The following CFAP92 variants were observed in gnomAD, a reference collection of about 807,000 sequenced individuals.
The protein encoded by CFAP92 is uncharacterized protein CFAP92.
CFAP92 carries 86 observed loss-of-function variants against 106.3 expected under a neutral mutation model. That is an observed-to-expected ratio of 0.81 (90% confidence interval 0.68 to 0.97). The LOEUF is 0.97. Among genes scored for constraint, CFAP92 ranks in the 50% least tolerant of loss-of-function variants. CFAP92 has a pLI of 0.00. For synonymous variants in CFAP92, 477 were observed against 506.4 expected, an observed-to-expected ratio of 0.94 and a Z score of 0.78; for missense variants, 1,204 against 1,283.8, an observed-to-expected ratio of 0.94 and a Z score of 0.95.
intron 8 of CFAP92, chr3:128,968,248 G>A (rs749211183): frequency 1.3e-5 from 2 of 152,070 alleles, no homozygotes; most frequent in Non-Finnish European, 2.9e-5. Flanking sequence ...GGGCCCCTCC[G>A]CTATGCAATA....
chr3:128,966,714 G>T (rs1325586467), intron 8 of CFAP92: 3 of 152,112 alleles, frequency 2.0e-5, no homozygotes, highest in African/African-American at 7.2e-5. Context: ...GGGACTACAG[G>T]TGCCCGACAA....
At chr3:129,026,734 T>G in the CFAP92 span, among the ~76,000 whole-genome samples, 2 of 151,938 alleles carry the variant, frequency 1.3e-5, no homozygotes, top group African/African-American at 4.8e-5. Flanking sequence ...GCCTGTGGAG[T>G]AGGGAGATAC....
At chr3:128,962,892 A>G (rs973370145) in intron 9 of CFAP92, among the ~76,000 whole-genome samples, 5 of 152,190 alleles carry the variant, frequency 3.3e-5, no homozygotes, top group Admixed American at 6.5e-5. Context: ...TGCCAAACCC[A>G]TATACTCTCC....
chr3:128,994,110 A>C (rs1021694431), upstream of CFAP92: 7 of 985,562 alleles, frequency 7.1e-6, no homozygotes, highest in Non-Finnish European at 8.4e-6. Context: ...GGAGGGCCGC[A>C]GGCCCAGCCA....
At chr3:128,921,040 C>T (rs978754104) in intron 12 of CFAP92, among the ~76,000 whole-genome samples, 6 of 152,290 alleles carry the variant, frequency 3.9e-5, no homozygotes, top group African/African-American at 9.6e-5. Flanking sequence ...CTTTGATCAC[C>T]AATAAATAGT....
rs764709438 is a variant in CFAP92, at chr3:128,971,435, T to C, written c.1022-2A>G. On this transcript the variant is annotated splice_acceptor_variant, in intron 7 of 15. Coordinates refer to ENST00000645291, the MANE Select transcript of CFAP92 (RefSeq NM_001394090.1). LOFTEE classifies it high-confidence loss of function. Reference sequence around the variant, plus strand: ...TTCCCTCTGAATCTTTCCCTTTAACTGTGAAATCAAACAAAGGAGATGAGC... The same window carrying C: ...TTCCCTCTGAATCTTTCCCTTTAACCGTGAAATCAAACAAAGGAGATGAGC... 1.8e-5 allele frequency: 29 copies of C among 1,597,358 alleles called. 1 individual carries two copies. In the South Asian group the frequency reaches 2.6e-4, roughly 14 times the overall value.
At chr3:128,953,702 C>T (rs1941080393) in intron 9 of CFAP92, among the ~76,000 whole-genome samples, 1 of 132,130 alleles carries the variant, frequency 7.6e-6, no homozygotes, top group Non-Finnish European at 1.5e-5. Context: ...TCTCGGCTCA[C>T]TGCAACCTCC....
At chr3:128,965,111 C>T (rs902051187) in intron 9 of CFAP92, among the ~76,000 whole-genome samples, 2 of 152,160 alleles carry the variant, frequency 1.3e-5, no homozygotes, top group Non-Finnish European at 2.9e-5. Flanking sequence ...CCTGCCCCAC[C>T]CTAACTGATC....
chr3:128,913,146 G>C, intron 15 of CFAP92: 1 of 427,852 alleles, frequency 2.3e-6, no homozygotes, highest in Non-Finnish European at 4.8e-6. Context: ...CTGTTCCTTA[G>C]AACCAGCCTT....
At chr3:128,922,698 A>T (rs1254383643) in intron 12 of CFAP92, among the ~76,000 whole-genome samples, 1 of 152,236 alleles carries the variant, frequency 6.6e-6, no homozygotes, top group African/African-American at 2.4e-5. Flanking sequence ...AGTTTTTCAA[A>T]GTTCCTTGAT....
At position 128,994,041 on chromosome 3, in the gene CFAP92, G is replaced by C; in HGVS notation, c.-94C>G. ...GACCGCGGCGGCAACTCCCGTACCG[G>C]ATCCACAGCCACCTGGGCGAAGAGA... On this transcript the variant is annotated 5_prime_UTR_variant, in exon 1 of 16. In the 5' UTR this introduces an upstream ATG that the reference lacks. Coordinates refer to ENST00000645291, the MANE Select transcript of CFAP92 (RefSeq NM_001394090.1). 1 of 986,686 alleles carries C rather than the reference G, an allele frequency of 1.0e-6. No individual in the cohort carries two copies. Among genetic ancestry groups the C allele is most frequent in the Non-Finnish European group, 1.2e-6 (1 of 830,592 alleles). 61.1% of individuals were successfully genotyped at this position (986,686 alleles called of 1,614,324 possible). A position where few individuals can be genotyped will look rare whatever the true frequency, so the allele number is the denominator to read the frequency against.
At chr3:128,950,665 C>G (rs1940690547) in intron 9 of CFAP92, among the ~76,000 whole-genome samples, 1 of 152,166 alleles carries the variant, frequency 6.6e-6, no homozygotes, top group South Asian at 2.1e-4. Flanking sequence ...TGCTGAAGTC[C>G]TCTCCCAGGG....
intron 1 of CFAP92, 59 bp from the exon 2 acceptor site, chr3:128,993,395 A>G: frequency 1.3e-6 from 2 of 1,495,720 alleles, no homozygotes; most frequent in South Asian, 2.5e-5. Flanking sequence ...TCCAGGAGGT[A>G]AGCCCGGCCT....
At chr3:128,915,077 A>G (rs1398344531) in intron 15 of CFAP92, 42 bp downstream of exon 15, 3 of 1,524,400 alleles carry the variant, frequency 2.0e-6, no homozygotes, top group Non-Finnish European at 2.6e-6. Flanking sequence ...CTGCCTGCCC[A>G]CGGCATCAGG....
At chr3:129,008,041 G>C in the CFAP92 span, among the ~76,000 whole-genome samples, 3 of 152,238 alleles carry the variant, frequency 2.0e-5, no homozygotes, top group Non-Finnish European at 4.4e-5. Context: ...TGATCCTTGA[G>C]AGTCACACAT....
At chr3:128,979,999 G>A (rs1307236930) in intron 4 of CFAP92, among the ~76,000 whole-genome samples, 4 of 146,134 alleles carry the variant, frequency 2.7e-5, no homozygotes, top group African/African-American at 1.0e-4. Context: ...AAGAAAGAAA[G>A]GAGGGAAGGA....
rs1487959921 is a variant in CFAP92 at position 128,912,983 on chromosome 3, C to G, written c.3280+2136G>C. 3 of 469,074 alleles carry G rather than the reference C, an allele frequency of 6.4e-6. No individual in the cohort carries two copies. The Admixed American group carries it at 7.0e-5, about 11-fold the overall frequency. 29.1% of individuals were successfully genotyped at this position (469,074 alleles called of 1,614,324 possible). On this transcript the variant is annotated intron_variant, in intron 15 of 15. Transcript: ENST00000645291. Reference sequence around the variant, plus strand: ...GTGTGGATAGCCATTTCTGCTCAACCACACATTCTCTAAGAAACAGCTTGA... The same window carrying G: ...GTGTGGATAGCCATTTCTGCTCAACGACACATTCTCTAAGAAACAGCTTGA...
intron 7 of CFAP92, among the ~76,000 whole-genome samples, chr3:128,972,472 C>T (rs1942871155): frequency 6.6e-6 from 1 of 151,950 alleles, no homozygotes; most frequent in Non-Finnish European, 1.5e-5. Flanking sequence ...GAACTCCTGA[C>T]CTCAGGTGAT....
At chr3:128,919,223 C>T (rs926546912) in intron 12 of CFAP92, among the ~76,000 whole-genome samples, 4 of 151,798 alleles carry the variant, frequency 2.6e-5, no homozygotes, top group Admixed American at 2.0e-4. Context: ...GGATTACAGG[C>T]GTGAGCCACT....
Sources: allele counts gnomAD v4.1 joint callset (sites outside exome capture counted in the v4.1 genomes callset), GRCh38; gene constraint gnomAD v4.1.1; transcripts MANE v1.5; gene names NCBI Gene and HGNC (gene_info 2026-07-23, HGNC 2026-07-21).